The following DLGAP2 variants were observed in gnomAD, a reference collection of about 807,000 sequenced individuals.
DLGAP2 encodes the protein DLG associated protein 2, also known as disks large-associated protein 2.
In DLGAP2, 26 loss-of-function variants were observed where a neutral mutation model predicts 100.3. The observed-to-expected ratio is 0.26, with a 90% confidence interval of 0.19 to 0.36. The LOEUF is 0.36. Ranked by LOEUF, DLGAP2 falls within the 10% of genes least tolerant of loss-of-function variation. The pLI, the probability that DLGAP2 is intolerant of heterozygous loss-of-function variation, is 1.00. For synonymous variants in DLGAP2, 886 were observed against 630.1 expected (o/e 1.41, Z -6.08); for missense variants, 1,858 against 1,453.2 (o/e 1.28, Z -4.53).
At chr8:878,799 A>G (rs1289936146) in intron 1 of DLGAP2, among the ~76,000 whole-genome samples, 1 of 152,140 alleles carries the variant, frequency 6.6e-6, no homozygotes, top group Non-Finnish European at 1.5e-5. Flanking sequence ...TTCCCCTCCT[A>G]CTTCTCTACC....
At chr8:1,690,116 G>A (rs948043253) in intron 12 of DLGAP2, among the ~76,000 whole-genome samples, 5 of 152,178 alleles carry the variant, frequency 3.3e-5, no homozygotes, top group Non-Finnish European at 7.3e-5. Context: ...TTGGCCTTGG[G>A]AGGCCAAGGC....
At chr8:1,681,488 T>TAATA (rs748366558) in intron 12 of DLGAP2, among the ~76,000 whole-genome samples, 27 of 151,780 alleles carry the variant, frequency 1.8e-4, no homozygotes, top group Non-Finnish European at 2.9e-4. Flanking sequence ...ATAATAATAA[T>TAATA]AATAATTAAC....
chr8:1,670,390 C>T (rs928610226), intron 10 of DLGAP2, among the ~76,000 whole-genome samples: 1 of 152,226 alleles, frequency 6.6e-6, no homozygotes, highest in Non-Finnish European at 1.5e-5. Context: ...ATGGCAGCCT[C>T]TGCTGAGTAC....
intron 3 of DLGAP2, among the ~76,000 whole-genome samples, chr8:1,354,390 G>T (rs1801801641): frequency 6.6e-6 from 1 of 152,184 alleles, no homozygotes; most frequent in Admixed American, 6.5e-5. Flanking sequence ...GTGCGTGCTT[G>T]TAGTCCCAGC....
chr8:1,564,174 G>A lies in DLGAP2; in HGVS notation c.1231-1509G>A, dbSNP rs543950200. Among the ~76,000 whole-genome samples the A allele has an allele frequency of 9.2e-4, 140 of 152,264 alleles. 1 individual carries two copies. Among genetic ancestry groups the A allele is most frequent in the African/African-American group, 3.3e-3 (138 of 41,552 alleles). ...TAAACGTGAGTTTGACCTATGGAGTGAACTTTACCCAGAGCCTCTGGGGAG... is the reference window on the plus strand; with the variant it reads ...TAAACGTGAGTTTGACCTATGGAGTAAACTTTACCCAGAGCCTCTGGGGAG... On this transcript the variant is annotated intron_variant, in intron 5 of 14. Coordinates refer to ENST00000637795, the MANE Select transcript of DLGAP2 (RefSeq NM_001346810.2).
At chr8:1,528,443 G>A (rs2130445478) in intron 4 of DLGAP2, among the ~76,000 whole-genome samples, 1 of 152,198 alleles carries the variant, frequency 6.6e-6, no homozygotes, top group East Asian at 1.9e-4. Flanking sequence ...CAGAGCACTG[G>A]GAGATCTCAC....
chr8:1,379,249 G>C (rs529908407), intron 3 of DLGAP2, among the ~76,000 whole-genome samples: 1 of 152,362 alleles, frequency 6.6e-6, no homozygotes, highest in East Asian at 1.9e-4. Context: ...TGCAGTGCCG[G>C]CTCTGTGCCA....
In DLGAP2 at chr8:953,681, C is replaced by T. The variant is rs182591260; in HGVS notation, c.73+45715C>T. Among the ~76,000 whole-genome samples, 332 of 151,104 alleles carry T rather than the reference C, an allele frequency of 2.2e-3. 2 individuals are homozygous for T. The highest frequency in any genetic ancestry group is 0.02 in the Middle Eastern group (6 of 294). ...CTTTTTTCACATAAAAACAGAGTTG[C>T]GTGAAAGAAAGTGCCGAGTGGAGCT... On this transcript the variant is annotated intron_variant, in intron 2 of 14. Coordinates refer to ENST00000637795, the MANE Select transcript of DLGAP2 (RefSeq NM_001346810.2).
At chr8:742,914 A>G (rs921796046) in intron 1 of DLGAP2, among the ~76,000 whole-genome samples, 3 of 152,188 alleles carry the variant, frequency 2.0e-5, no homozygotes, top group Non-Finnish European at 2.9e-5. Flanking sequence ...AAATGAATTC[A>G]TGACTGTAAA....
At chr8:1,037,064 C>T (rs900576772) in intron 2 of DLGAP2, among the ~76,000 whole-genome samples, 7 of 152,068 alleles carry the variant, frequency 4.6e-5, no homozygotes, top group South Asian at 2.1e-4. Flanking sequence ...TCCCTCATGG[C>T]GGACAGGCAT....
At chr8:1,469,307 C>A (rs774240979) in intron 3 of DLGAP2, among the ~76,000 whole-genome samples, 1 of 152,234 alleles carries the variant, frequency 6.6e-6, no homozygotes, top group Non-Finnish European at 1.5e-5. Flanking sequence ...GCATTCAGCT[C>A]TGAGCTGCTC....
chr8:1,592,661 G>A (rs1350964141), intron 6 of DLGAP2, among the ~76,000 whole-genome samples: 4 of 152,084 alleles, frequency 2.6e-5, no homozygotes, highest in East Asian at 1.9e-4. Flanking sequence ...AATTCTCCGT[G>A]TGTCATTTTT....
At chr8:1,109,075 AGGTGT>A (rs1804872299) in intron 2 of DLGAP2, among the ~76,000 whole-genome samples, 1 of 108,356 alleles carries the variant, frequency 9.2e-6, no homozygotes, top group Non-Finnish European at 1.9e-5. Context: ...TGGGTCTGTG[AGGTGT>A]GCACGGGTCT....
intron 1 of DLGAP2, among the ~76,000 whole-genome samples, chr8:905,829 A>G (rs559438051): frequency 8.5e-6 from 1 of 117,190 alleles, no homozygotes; most frequent in African/African-American, 3.3e-5. Flanking sequence ...CACGTGTCCT[A>G]CTGACCTCAC....
chr8:1,323,496 C>T (rs1800953179), intron 3 of DLGAP2, among the ~76,000 whole-genome samples: 1 of 152,214 alleles, frequency 6.6e-6, no homozygotes, highest in African/African-American at 2.4e-5. Flanking sequence ...GTGGCTCCTG[C>T]TGTACCAGGT....
intron 3 of DLGAP2, among the ~76,000 whole-genome samples, chr8:1,430,811 G>C (rs577188905): frequency 6.6e-6 from 1 of 152,296 alleles, no homozygotes; most frequent in South Asian, 2.1e-4. Context: ...TTTAAAGGAC[G>C]ACCCTGACAC....
At chr8:1,339,020 G>C (rs1801356981) in intron 3 of DLGAP2, among the ~76,000 whole-genome samples, 1 of 151,096 alleles carries the variant, frequency 6.6e-6, no homozygotes, top group Non-Finnish European at 1.5e-5. Flanking sequence ...AGTGACCTAA[G>C]GGAAGTGTCA....
chr8:1,026,365 A>G (rs1483030793), intron 2 of DLGAP2, among the ~76,000 whole-genome samples: 1 of 151,980 alleles, frequency 6.6e-6, no homozygotes, highest in African/African-American at 2.4e-5. Flanking sequence ...TGGAAGCTCC[A>G]CTTCACGGTT....
intron 3 of DLGAP2, among the ~76,000 whole-genome samples, chr8:1,461,120 G>T (rs913357771): frequency 1.4e-5 from 2 of 146,844 alleles, no homozygotes. Flanking sequence ...GGGTGCAGTC[G>T]CTGATTTCGT....
Sources: allele counts gnomAD v4.1 joint callset (sites outside exome capture counted in the v4.1 genomes callset), GRCh38; gene constraint gnomAD v4.1.1; transcripts MANE v1.5; gene names NCBI Gene and HGNC (gene_info 2026-07-23, HGNC 2026-07-21).